The following DTNB variants were observed in gnomAD, a reference collection of about 807,000 sequenced individuals.
The protein encoded by DTNB is dystrobrevin beta.
In DTNB, 63 loss-of-function variants were observed where a neutral mutation model predicts 90.7. That is an observed-to-expected ratio of 0.69 (90% CI 0.57 to 0.86). DTNB has a LOEUF of 0.86. Among genes scored for constraint, DTNB ranks in the 40% least tolerant of loss-of-function variants. DTNB has a pLI of 0.00. For synonymous variants in DTNB, 277 were observed against 286.7 expected (o/e 0.97, Z 0.34); for missense variants, 744 against 807.1 (o/e 0.92, Z 0.95).
chr2:25,396,950 A>T (rs1182628799), intron 16 of DTNB, among the ~76,000 whole-genome samples: 1 of 152,106 alleles, frequency 6.6e-6, no homozygotes, highest in African/African-American at 2.4e-5. Flanking sequence ...AATTGAATAT[A>T]AGATAAAAGG....
chr2:25,468,952 G>C (rs565854091), intron 10 of DTNB, among the ~76,000 whole-genome samples: 1 of 152,302 alleles, frequency 6.6e-6, no homozygotes, highest in African/African-American at 2.4e-5. Flanking sequence ...TGGCCAAATA[G>C]TAAATATTTA....
chr2:25,387,481 G>T lies in DTNB; in HGVS notation c.1736-103C>A. On this transcript the variant is annotated intron_variant, in intron 17 of 20. Coordinates refer to ENST00000406818, the MANE Select transcript of DTNB (RefSeq NM_021907.5). This position sits in a 1 kb window ranked among gnomAD's most constrained non-coding sequence, Gnocchi z 4.5. ...CTGCCAGGCCCGAGAACACAGGTGT[G>T]GAACACCTAAGGGGAGATGGGGCCA... The T allele has an allele frequency of 1.8e-6, 2 of 1,089,672 alleles. No individual in the cohort carries two copies. The highest frequency in any genetic ancestry group is 2.7e-6 in the Non-Finnish European group (2 of 743,914). 67.5% of individuals were successfully genotyped at this position (1,089,672 alleles called of 1,614,324 possible).
intron 4 of DTNB, among the ~76,000 whole-genome samples, chr2:25,625,069 A>G (rs2073820221): frequency 6.6e-6 from 1 of 152,144 alleles, no homozygotes; most frequent in South Asian, 2.1e-4. Flanking sequence ...AGGGTCTTAT[A>G]CTCTCTTATT....
chr2:25,484,411 T>A (rs1025734049), intron 9 of DTNB, among the ~76,000 whole-genome samples: 1 of 152,202 alleles, frequency 6.6e-6, no homozygotes, highest in African/African-American at 2.4e-5. Context: ...CAATTCTTTG[T>A]GAATATTAAG....
At chr2:25,526,395 A>ATATATATATATTTTTTTTT in intron 9 of DTNB, among the ~76,000 whole-genome samples, 10 of 49,826 alleles carry the variant, frequency 2.0e-4, no homozygotes, top group African/African-American at 9.8e-4. Context: ...ATATATATAT[A>ATATATATATATTTTTTTTT]TTTTTTTTTT....
At chr2:25,546,635 A>C (rs2082484380) in intron 8 of DTNB, among the ~76,000 whole-genome samples, 1 of 152,246 alleles carries the variant, frequency 6.6e-6, no homozygotes, top group Admixed American at 6.5e-5. Flanking sequence ...GACCCCTGGA[A>C]CACCACAGTG....
At chr2:25,461,383 C>T (rs895559411) in intron 10 of DTNB, among the ~76,000 whole-genome samples, 2 of 152,022 alleles carry the variant, frequency 1.3e-5, no homozygotes, top group Admixed American at 1.3e-4. Flanking sequence ...ACCTAGTTTA[C>T]CAGATTAAGA....
intron 1 of DTNB, among the ~76,000 whole-genome samples, chr2:25,666,042 C>G (rs1036914160): frequency 1.3e-5 from 2 of 152,142 alleles, no homozygotes; most frequent in African/African-American, 4.8e-5. Flanking sequence ...AGGTACTATT[C>G]AAATATAGTG....
chr2:25,576,686 A>C, intron 8 of DTNB, 152 bp downstream of exon 8: 2 of 996,650 alleles, frequency 2.0e-6, no homozygotes, highest in African/African-American at 3.4e-5. Flanking sequence ...AGGAAGCACA[A>C]CATTTTTGCA....
chr2:25,444,773 C>A (rs1303545588), intron 12 of DTNB, among the ~76,000 whole-genome samples: 2 of 152,144 alleles, frequency 1.3e-5, no homozygotes, highest in Non-Finnish European at 2.9e-5. Flanking sequence ...TCAATACAAA[C>A]CTATCTGGCA....
chr2:25,392,557 C>T (rs962513684), intron 16 of DTNB, among the ~76,000 whole-genome samples: 2 of 152,032 alleles, frequency 1.3e-5, no homozygotes, highest in Admixed American at 6.6e-5. Flanking sequence ...AGAAACGAAA[C>T]GAGAGCTACT....
In DTNB at chr2:25,593,403, C is replaced by T. The variant is rs139649331; in HGVS notation, c.603+2683G>A. Reference sequence around the variant, plus strand: ...CCCATTTTCAAAAAGAAACGCAAAACTCATTGAATTTAACTCTTGCAGCAT... The same window carrying T: ...CCCATTTTCAAAAAGAAACGCAAAATTCATTGAATTTAACTCTTGCAGCAT... On this transcript the variant is annotated intron_variant, in intron 6 of 20. Transcript: ENST00000406818. Among the ~76,000 whole-genome samples, 27 of 152,340 alleles carry T rather than the reference C, an allele frequency of 1.8e-4. No individual in the cohort carries two copies. In the East Asian group the frequency reaches 5.2e-3, roughly 29 times the overall value.
At chr2:25,526,392 T>TACAC (rs2077159564) in intron 9 of DTNB, among the ~76,000 whole-genome samples, 1 of 63,954 alleles carries the variant, frequency 1.6e-5, no homozygotes, top group African/African-American at 8.4e-5. Context: ...TATATATATA[T>TACAC]ATATTTTTTT....
At position 25,523,897 on chromosome 2, in the gene DTNB, CTTTTTTTTT is replaced by C. The variant is rs869167435; in HGVS notation, c.1001+7567_1001+7575del. Reference sequence around the variant, plus strand: ...AATGGAAGTAACTTGGTCATCTGTACTTTTTTTTTTTTTTTTTTTTTGAGACAGAGTTTC... The same window carrying C: ...AATGGAAGTAACTTGGTCATCTGTACTTTTTTTTTTTTGAGACAGAGTTTC... On this transcript the variant is annotated intron_variant, in intron 9 of 20. Coordinates refer to ENST00000406818, the MANE Select transcript of DTNB (RefSeq NM_021907.5). 8.0e-4 allele frequency among the ~76,000 whole-genome samples: 93 copies of C among 115,848 alleles called. 1 individual carries two copies. Among genetic ancestry groups the C allele is most frequent in the Admixed American group, 3.6e-3 (41 of 11,352 alleles). 76.0% of individuals were successfully genotyped at this position (115,848 alleles called of 152,430 possible).
At chr2:25,394,170 T>C (rs903960046) in intron 16 of DTNB, among the ~76,000 whole-genome samples, 1 of 152,146 alleles carries the variant, frequency 6.6e-6, no homozygotes, top group Non-Finnish European at 1.5e-5. Context: ...TAACAAATGA[T>C]GCTGAGATAA....
chr2:25,561,245 A>AC (rs1320578376), intron 8 of DTNB, among the ~76,000 whole-genome samples: 1 of 151,430 alleles, frequency 6.6e-6, no homozygotes, highest in Non-Finnish European at 1.5e-5. Context: ...CACACTCAAC[A>AC]CCCCCCTCCT....
chr2:25,424,463 A>C lies in DTNB; in HGVS notation c.1554+3072T>G, dbSNP rs750643824. 6.6e-6 allele frequency among the ~76,000 whole-genome samples: 1 copy of C among 152,148 alleles called. No individual in the cohort carries two copies. Among genetic ancestry groups the C allele is most frequent in the East Asian group, 1.9e-4 (1 of 5,200 alleles). ...GGGCTTGGGGTCAGTAGTTCTGGGGATCACTAAGACAATCCAACTGAAAGG... is the reference window on the plus strand; with the variant it reads ...GGGCTTGGGGTCAGTAGTTCTGGGGCTCACTAAGACAATCCAACTGAAAGG... On this transcript the variant is annotated intron_variant, in intron 15 of 20. Coordinates refer to ENST00000406818, the MANE Select transcript of DTNB (RefSeq NM_021907.5). The surrounding 1 kb of genome is among the most constrained non-coding windows in gnomAD (Gnocchi z 4.1).
intron 8 of DTNB, among the ~76,000 whole-genome samples, chr2:25,532,245 C>CAAAAAAAAAAAAAAAAAAAAAA (rs11352371): frequency 1.3e-5 from 1 of 74,304 alleles, no homozygotes; most frequent in Non-Finnish European, 2.9e-5. Flanking sequence ...AACTCTGTCT[C>CAAAAAAAAAAAAAAAAAAAAAA]AAAAAAAAAA....
At chr2:25,533,619 A>C (rs1575463804) in intron 8 of DTNB, among the ~76,000 whole-genome samples, 1 of 151,892 alleles carries the variant, frequency 6.6e-6, no homozygotes, top group Admixed American at 6.6e-5. Context: ...TTCACACCTG[A>C]CTCCTGCCTC....
Sources: gnomAD v4.1 joint callset for allele counts (sites outside exome capture counted in the v4.1 genomes callset) on GRCh38, gnomAD v4.1.1 for gene constraint, Gnocchi (gnomAD v3.1) non-coding constraint, MANE v1.5 for transcripts, NCBI Gene and HGNC (gene_info 2026-07-23, HGNC 2026-07-21) for gene names.